FBXL4: variants seen among roughly 807,000 people sequenced by gnomAD.
FBXL4 encodes F-box/LRR-repeat protein 4.
FBXL4 carries 40 observed loss-of-function variants against 58.9 expected under a neutral mutation model. The observed-to-expected ratio is 0.68, with a 90% CI of 0.53 to 0.88. The LOEUF is 0.88. Ranked by LOEUF, FBXL4 falls within the 40% of genes least tolerant of loss-of-function variation. The pLI is 0.00. For missense variants in FBXL4, 676 were observed against 734.4 expected, an observed-to-expected ratio of 0.92 and a Z score of 0.92; for synonymous variants, 263 against 265.5, an observed-to-expected ratio of 0.99 and a Z score of 0.09.
intron 1 of FBXL4, among the ~76,000 whole-genome samples, chr6:98,943,119 G>T (rs1773493419): frequency 6.6e-6 from 1 of 151,382 alleles, no homozygotes; most frequent in African/African-American, 2.4e-5. Flanking sequence ...TCAATTTCCT[G>T]AGTATAATAT....
intron 6 of FBXL4, among the ~76,000 whole-genome samples, chr6:98,901,329 G>A (rs1006536330): frequency 6.6e-6 from 1 of 152,052 alleles, no homozygotes; most frequent in African/African-American, 2.4e-5. Context: ...TCCAGGGCAG[G>A]ATAACAAGCA....
intron 7 of FBXL4, among the ~76,000 whole-genome samples, chr6:98,885,282 T>C (rs1351195485): frequency 6.6e-6 from 1 of 152,160 alleles, no homozygotes; most frequent in Non-Finnish European, 1.5e-5. Context: ...TTTTATATTA[T>C]GCAGAGGTGG....
chr6:98,906,737 G>A (rs1273266676), intron 5 of FBXL4, among the ~76,000 whole-genome samples: 1 of 152,106 alleles, frequency 6.6e-6, no homozygotes, highest in Non-Finnish European at 1.5e-5. Context: ...GATCCCTGAG[G>A]AATCACCACA....
At chr6:98,914,993 A>T (rs1025131911) in intron 5 of FBXL4, among the ~76,000 whole-genome samples, 2 of 152,210 alleles carry the variant, frequency 1.3e-5, no homozygotes, top group Non-Finnish European at 2.9e-5. Flanking sequence ...AAATCAGTGT[A>T]CAAAAATCAC....
intron 3 of FBXL4, among the ~76,000 whole-genome samples, chr6:98,927,303 A>G (rs537373469): frequency 6.6e-6 from 1 of 152,348 alleles, no homozygotes; most frequent in South Asian, 2.1e-4. Context: ...ATTGGAAGAT[A>G]TACAATCCAA....
rs1159099907 is a variant in FBXL4 at position 98,870,287 on chromosome 6, A to G, written c.*3991T>C. On this transcript the variant is annotated 3_prime_UTR_variant, in exon 10 of 10. Transcript: ENST00000369244. ...ATAGGGGTCACAAATTTGGTCCACA[A>G]GCCAAATCCAGCCAGCTCATAAGAA... The G allele has an allele frequency of 6.6e-6, 1 of 152,238 alleles. No individual in the cohort carries two copies. The highest frequency in any genetic ancestry group is 2.4e-5 in the African/African-American group (1 of 41,454). The allele number at this position is 152,238 out of a possible 1,614,324, so 9.4% of individuals were successfully genotyped here. A position where few individuals can be genotyped will look rare whatever the true frequency, so the allele number is the denominator to read the frequency against.
chr6:98,915,720 G>A (rs1223834745), intron 5 of FBXL4, among the ~76,000 whole-genome samples: 2 of 152,156 alleles, frequency 1.3e-5, no homozygotes, highest in Non-Finnish European at 2.9e-5. Context: ...AAAAACCTTA[G>A]AAGGAAACCT....
At chr6:98,918,171 T>G (rs1772442327) in intron 4 of FBXL4, among the ~76,000 whole-genome samples, 3 of 152,154 alleles carry the variant, frequency 2.0e-5, no homozygotes, top group Admixed American at 2.0e-4. Context: ...ATGCAAAACT[T>G]TCATATTATC....
chr6:98,905,292 C>T, intron 6 of FBXL4, 134 bp downstream of exon 6: 1 of 1,104,390 alleles, frequency 9.1e-7, no homozygotes, highest in Non-Finnish European at 1.3e-6. Flanking sequence ...AAACATGACA[C>T]TCAAAATATA....
intron 7 of FBXL4, among the ~76,000 whole-genome samples, chr6:98,888,481 G>A (rs573699574): frequency 6.6e-6 from 1 of 152,254 alleles, no homozygotes; most frequent in African/African-American, 2.4e-5. Flanking sequence ...TATATTATTA[G>A]GTGTACTGTG....
intron 6 of FBXL4, among the ~76,000 whole-genome samples, chr6:98,901,137 C>G (rs1229402068): frequency 6.6e-6 from 1 of 151,918 alleles, no homozygotes; most frequent in South Asian, 2.1e-4. Flanking sequence ...TAAAGTAAGT[C>G]GCAAATTTGT....
At chr6:98,923,205 T>A (rs1475007631) in intron 4 of FBXL4, among the ~76,000 whole-genome samples, 1 of 152,054 alleles carries the variant, frequency 6.6e-6, no homozygotes, top group East Asian at 1.9e-4. Flanking sequence ...GGACTTCACA[T>A]GATATTGCAT....
intron 7 of FBXL4, among the ~76,000 whole-genome samples, chr6:98,892,389 C>T (rs1163379760): frequency 1.3e-5 from 2 of 152,232 alleles, no homozygotes; most frequent in East Asian, 3.9e-4. Context: ...AGTGAGAAGC[C>T]ACCCTCTTCA....
intron 2 of FBXL4, among the ~76,000 whole-genome samples, chr6:98,932,003 T>C (rs1283407108): frequency 2.0e-5 from 3 of 152,206 alleles, no homozygotes; most frequent in African/African-American, 7.2e-5. Flanking sequence ...CTCTATTTTA[T>C]AAGGAGAATG....
chr6:98,896,912 T>C, intron 7 of FBXL4: 2 of 984,924 alleles, frequency 2.0e-6, no homozygotes, highest in Non-Finnish European at 2.4e-6. Context: ...TTTGGTCATA[T>C]CTATCAGTCT....
chr6:98,929,926 T>C (rs113011161), intron 2 of FBXL4, among the ~76,000 whole-genome samples: 2 of 152,274 alleles, frequency 1.3e-5, no homozygotes, highest in African/African-American at 4.8e-5. Flanking sequence ...GCATAGAGTG[T>C]GGGCCTAAAT....
In FBXL4 at chr6:98,868,772, C is replaced by T. The variant is rs1770418982; in HGVS notation, c.*5506G>A. ...TAAAATTTTTATAACTAATACTTCA[C>T]TAATTACTTTACCAAATACATAGAT... On this transcript the variant is annotated 3_prime_UTR_variant, in exon 10 of 10. Transcript: ENST00000369244. 6.6e-6 allele frequency: 1 copy of T among 152,158 alleles called. No individual in the cohort carries two copies. Among genetic ancestry groups the T allele is most frequent in the Non-Finnish European group, 1.5e-5 (1 of 68,030 alleles). The allele number at this position is 152,158 out of a possible 1,614,324, so 9.4% of individuals were successfully genotyped here.
intron 2 of FBXL4, among the ~76,000 whole-genome samples, chr6:98,931,871 G>A (rs1011510238): frequency 2.6e-5 from 4 of 152,212 alleles, no homozygotes; most frequent in African/African-American, 7.2e-5. Context: ...GGAGAGCTAC[G>A]ACCAATGCAG....
At chr6:98,942,832 G>A (rs892668308) in intron 1 of FBXL4, among the ~76,000 whole-genome samples, 4 of 152,120 alleles carry the variant, frequency 2.6e-5, no homozygotes, top group Non-Finnish European at 1.5e-5. Flanking sequence ...TTATTAATGG[G>A]AAGAATGAGG....
Sources: allele counts gnomAD v4.1 joint callset (sites outside exome capture counted in the v4.1 genomes callset), GRCh38; gene constraint gnomAD v4.1.1; transcripts MANE v1.5; gene names NCBI Gene and HGNC (gene_info 2026-07-23, HGNC 2026-07-21).